RTF1: variants seen among roughly 807,000 people sequenced by gnomAD.
RTF1 encodes RTF1 homolog, Paf1/RNA polymerase II complex component.
RTF1 carries 10 observed loss-of-function variants against 95.7 expected under a neutral mutation model. That is an observed-to-expected ratio of 0.10 (90% CI 0.06 to 0.18). The LOEUF is 0.18. Among genes scored for constraint, RTF1 ranks in the 10% least tolerant of loss-of-function variants. The pLI, the probability that RTF1 is intolerant of heterozygous loss-of-function variation, is 1.00. For missense variants in RTF1, 458 were observed against 875.6 expected (o/e 0.52, Z 6.02); for synonymous variants, 305 against 311.8 (o/e 0.98, Z 0.23).
At chr15:41,466,659 A>G (rs1309375651) in intron 6 of RTF1, among the ~76,000 whole-genome samples, 1 of 152,216 alleles carries the variant, frequency 6.6e-6, no homozygotes, top group African/African-American at 2.4e-5. Flanking sequence ...AAGATTTTAA[A>G]AACATTTCTA....
intron 2 of RTF1, among the ~76,000 whole-genome samples, chr15:41,450,774 A>G (rs564182630): frequency 6.6e-6 from 1 of 151,800 alleles, no homozygotes; most frequent in Non-Finnish European, 1.5e-5. Flanking sequence ...ACATAGCAAG[A>G]CCCTGTCTCT....
At chr15:41,476,739 T>G (rs1168250021) in intron 12 of RTF1, among the ~76,000 whole-genome samples, 1 of 152,248 alleles carries the variant, frequency 6.6e-6, no homozygotes, top group African/African-American at 2.4e-5. Context: ...GCCAGTCTTC[T>G]TACTTTCTAG....
At chr15:41,450,110 C>G (rs1051921549) in intron 2 of RTF1, among the ~76,000 whole-genome samples, 6 of 152,104 alleles carry the variant, frequency 3.9e-5, no homozygotes, top group Admixed American at 3.9e-4. Flanking sequence ...ATGAGAGAAT[C>G]TCTTGAGCCC....
At position 41,452,965 on chromosome 15, in the gene RTF1, C is replaced by T; in HGVS notation, c.374C>T (p.Thr125Ile). Residue 125 changes from threonine to isoleucine, a missense_variant, in exon 3 of 18, where the codon ACC (threonine) becomes ATC (isoleucine). By Grantham distance (89) the Thr-to-Ile change is moderately conservative. Transcript: ENST00000389629. ...GCCAGAAAAATAGAGAAGAAAGGAA[C>T]CATGAAGAAACAGGCCAACAAAACT... ...GKARKIEKKG[T>I]MKKQANKTAS... The T allele has an allele frequency of 1.2e-6, 2 of 1,612,750 alleles. No homozygotes were observed. The highest frequency in any genetic ancestry group is 1.7e-6 in the Non-Finnish European group (2 of 1,179,484).
At chr15:41,430,585 C>T (rs572746089) in intron 1 of RTF1, among the ~76,000 whole-genome samples, 27 of 151,154 alleles carry the variant, frequency 1.8e-4, no homozygotes, top group African/African-American at 6.3e-4. Flanking sequence ...ACTAATAATA[C>T]AAAATATTAG....
intron 8 of RTF1, among the ~76,000 whole-genome samples, chr15:41,471,955 A>G (rs893870635): frequency 2.6e-5 from 4 of 151,904 alleles, no homozygotes; most frequent in African/African-American, 9.7e-5. Context: ...CTGGAGTGCA[A>G]TGGCGTGGTC....
intron 12 of RTF1, 70 bp downstream of exon 12, chr15:41,476,593 C>T: frequency 7.2e-7 from 1 of 1,395,166 alleles, no homozygotes; most frequent in South Asian, 1.2e-5. Flanking sequence ...TGTTCATCCT[C>T]TGCCAAGTTA....
At chr15:41,432,196 CT>C (rs1324449834) in intron 1 of RTF1, among the ~76,000 whole-genome samples, 373 of 136,804 alleles carry the variant, frequency 2.7e-3, no homozygotes, top group Admixed American at 2.4e-3. Flanking sequence ...GTTAGGTTTT[CT>C]TTTTTTTTTT....
intron 14 of RTF1, among the ~76,000 whole-genome samples, chr15:41,477,768 T>G (rs527352082): frequency 1.8e-4 from 28 of 152,182 alleles, no homozygotes; most frequent in Non-Finnish European, 2.9e-4. Flanking sequence ...CAATTTCTGT[T>G]TCTTGGTTGT....
intron 1 of RTF1, among the ~76,000 whole-genome samples, chr15:41,420,541 TC>T (rs1219390492): frequency 3.9e-5 from 6 of 152,226 alleles, no homozygotes; most frequent in Admixed American, 3.9e-4. Flanking sequence ...AGACTTGCTG[TC>T]TAGCGTATGG....
At chr15:41,446,004 C>G (rs1346369398) in intron 2 of RTF1, among the ~76,000 whole-genome samples, 1 of 148,472 alleles carries the variant, frequency 6.7e-6, no homozygotes, top group Non-Finnish European at 1.5e-5. Flanking sequence ...TCCCAGAGTG[C>G]TGATCCCAGC....
At chr15:41,418,728 G>C (rs2050584442) in intron 1 of RTF1, among the ~76,000 whole-genome samples, 1 of 145,950 alleles carries the variant, frequency 6.9e-6, no homozygotes, top group South Asian at 2.1e-4. Flanking sequence ...GAGAATTCTT[G>C]AACCCGGGAG....
chr15:41,475,629 T>G lies in RTF1; in HGVS notation c.1374+17T>G. On this transcript the variant is annotated intron_variant, in intron 10 of 17. Transcript: ENST00000389629. Reference sequence around the variant, plus strand: ...AAAGAAGCGGTACGTGGCTAGAGATTACCTAGCAGTTGTTCGTGCACGTTG... The same window carrying G: ...AAAGAAGCGGTACGTGGCTAGAGATGACCTAGCAGTTGTTCGTGCACGTTG... The G allele has an allele frequency of 6.2e-7, 1 of 1,609,544 alleles. No homozygotes were observed. The highest frequency in any genetic ancestry group is 8.5e-7 in the Non-Finnish European group (1 of 1,175,822).
intron 4 of RTF1, among the ~76,000 whole-genome samples, chr15:41,463,745 G>A (rs1345094494): frequency 1.3e-5 from 2 of 152,146 alleles, no homozygotes; most frequent in African/African-American, 4.8e-5. Context: ...GCCTCCCAAA[G>A]TACTGGAATT....
chr15:41,445,493 T>C (rs560543622), intron 2 of RTF1, among the ~76,000 whole-genome samples: 1 of 152,332 alleles, frequency 6.6e-6, no homozygotes, highest in East Asian at 1.9e-4. Context: ...ATAACTAGAC[T>C]GCAAGTTTTT....
chr15:41,450,473 T>C (rs1260880278), intron 2 of RTF1, among the ~76,000 whole-genome samples: 2 of 151,520 alleles, frequency 1.3e-5, no homozygotes, highest in African/African-American at 2.4e-5. Context: ...TAATCCCAGC[T>C]ACTCGGGAGG....
chr15:41,452,878 T>C, intron 2 of RTF1, 23 bp from the exon 3 acceptor site: 1 of 1,534,110 alleles, frequency 6.5e-7, no homozygotes, highest in African/African-American at 1.4e-5. Flanking sequence ...ATTTCAGTCT[T>C]CCTTTTTCTT....
intron 4 of RTF1, among the ~76,000 whole-genome samples, chr15:41,460,126 T>TG (rs377417262): frequency 0.13 from 16,143 of 128,226 alleles, 923 homozygotes; most frequent in South Asian, 0.24. Context: ...TTTTTGTTTT[T>TG]TTTTTTTTTT....
chr15:41,475,417 A>C (rs996200129), intron 9 of RTF1, 108 bp from the exon 10 acceptor site: 4 of 805,466 alleles, frequency 5.0e-6, no homozygotes, highest in Non-Finnish European at 8.4e-6. Flanking sequence ...AGGATTGAGA[A>C]CCACTGCAAT....
Sources: gnomAD v4.1 joint callset for allele counts (sites outside exome capture counted in the v4.1 genomes callset) on GRCh38, gnomAD v4.1.1 for gene constraint, MANE v1.5 for transcripts, NCBI Gene and HGNC (gene_info 2026-07-23, HGNC 2026-07-21) for gene names.